SNX14: variants seen among roughly 807,000 people sequenced by gnomAD.
SNX14 encodes sorting nexin 14.
In SNX14, 93 loss-of-function variants were observed where a neutral mutation model predicts 133.8. That is an observed-to-expected ratio of 0.70 (90% CI 0.59 to 0.83). The LOEUF is 0.83. Ranked by LOEUF, SNX14 falls within the 40% of genes least tolerant of loss-of-function variation. The pLI, the probability that SNX14 is intolerant of heterozygous loss-of-function variation, is 0.00. For synonymous variants in SNX14, 368 were observed against 365.6 expected (o/e 1.01, Z -0.07); for missense variants, 945 against 1,094.9 (o/e 0.86, Z 1.93).
chr6:85,506,070 A>T lies in SNX14; in HGVS notation c.2803-65T>A, dbSNP rs969987039. ...CAGGTTCATTTGTAAATTGCCTAAC[A>T]GCTCTAGTGTATTAAAATTCTAACC... On this transcript the variant is annotated intron_variant, in intron 28 of 28. Transcript: ENST00000314673. The T allele has an allele frequency of 2.9e-6, 3 of 1,029,194 alleles. No individual in the cohort carries two copies. The Admixed American group carries it at 5.4e-5, about 19-fold the overall frequency. 63.8% of individuals were successfully genotyped at this position (1,029,194 alleles called of 1,614,324 possible). A position where few individuals can be genotyped will look rare whatever the true frequency, so the allele number is the denominator to read the frequency against.
intron 2 of SNX14, among the ~76,000 whole-genome samples, chr6:85,573,206 G>GC (rs1289929166): frequency 1.3e-5 from 2 of 152,028 alleles, no homozygotes; most frequent in African/African-American, 4.8e-5. Flanking sequence ...TAGGCCAGGC[G>GC]CAGTGGCTCA....
intron 27 of SNX14, among the ~76,000 whole-genome samples, chr6:85,507,709 T>C (rs553856689): frequency 1.1e-4 from 17 of 152,328 alleles, no homozygotes; most frequent in African/African-American, 3.8e-4. Flanking sequence ...AATTTTTTAC[T>C]GTATTTCATG....
In SNX14 at chr6:85,543,648, GTC is replaced by G. The variant is rs1367851695; in HGVS notation, c.1219_1220del (p.Asp407GlnfsTer3). On this transcript the variant is annotated frameshift_variant, in exon 13 of 29. Transcript: ENST00000314673. LOFTEE classifies it high-confidence loss of function. ...YKTYCLDESI[D>X]KIRFDPFIVE... ...CAATGAAGGGATCAAATCTAATTTT[GTC>G]AATACTTTCATCCAAACAGTATGTT... 1 of 1,586,396 alleles carries G rather than the reference GTC, an allele frequency of 6.3e-7. No homozygotes were observed. The highest frequency in any genetic ancestry group is 8.6e-7 in the Non-Finnish European group (1 of 1,164,602).
intron 1 of SNX14, among the ~76,000 whole-genome samples, chr6:85,590,813 T>G (rs1350354387): frequency 6.6e-6 from 1 of 152,170 alleles, no homozygotes; most frequent in Non-Finnish European, 1.5e-5. Context: ...AAGTACGAAG[T>G]TTTCACACCT....
chr6:85,531,233 A>G (rs7452605), intron 18 of SNX14, among the ~76,000 whole-genome samples: 112,465 of 152,160 alleles, frequency 0.74, 42,892 homozygotes, highest in African/African-American at 0.92. Context: ...AGTTAACCCC[A>G]CCCCCATTTA....
chr6:85,570,553 A>C (rs1411717854), intron 4 of SNX14, among the ~76,000 whole-genome samples: 2 of 152,158 alleles, frequency 1.3e-5, no homozygotes, highest in Admixed American at 6.5e-5. Context: ...CATGTAATCA[A>C]TATAAAAAAT....
intron 16 of SNX14, 197 bp from the exon 17 acceptor site, chr6:85,537,121 G>C (rs1196070827): frequency 7.0e-6 from 3 of 427,410 alleles, no homozygotes; most frequent in Admixed American, 8.1e-5. Context: ...AGTATTTAAA[G>C]TTTAAATTTG....
Position 85,517,765 on chromosome 6 carries a change from G to A in SNX14, c.2259C>T (p.Asn753=). ...ELTILSPTSE[N]NKKLFNDLFK... ...ATGCAATGTGCAGTACCTTCTTGTT[G>A]TTTTCTGAAGTAGGGCTGAGAATGG... is the stretch of plus-strand genomic sequence containing the variant. The change falls in exon 23 of 29, where the codon AAC becomes AAT. Residue 753 remains asparagine (N), a synonymous_variant. Coordinates refer to ENST00000314673, the MANE Select transcript of SNX14 (RefSeq NM_153816.6). 6.3e-7 allele frequency: 1 copy of A among 1,597,450 alleles called. No individual in the cohort carries two copies. The highest frequency in any genetic ancestry group is 8.5e-7 in the Non-Finnish European group (1 of 1,175,880).
intron 1 of SNX14, among the ~76,000 whole-genome samples, chr6:85,579,240 G>C (rs1178326322): frequency 6.6e-6 from 1 of 152,096 alleles, no homozygotes; most frequent in African/African-American, 2.4e-5. Context: ...ACAAGAGCCA[G>C]GTGCCGGGCA....
intron 1 of SNX14, among the ~76,000 whole-genome samples, chr6:85,591,834 ACCC>A (rs1802834163): frequency 6.6e-6 from 1 of 151,892 alleles, no homozygotes; most frequent in African/African-American, 2.4e-5. Context: ...ACATGGTGAA[ACCC>A]CCGTCTCTAT....
intron 4 of SNX14, among the ~76,000 whole-genome samples, chr6:85,569,776 A>T (rs1261531734): frequency 6.6e-6 from 1 of 152,222 alleles, no homozygotes; most frequent in African/African-American, 2.4e-5. Flanking sequence ...CCCACTTCAT[A>T]GGTTATACAT....
chr6:85,507,220 G>T lies in SNX14; in HGVS notation c.2802+13C>A. 1 of 1,604,160 alleles carries T rather than the reference G, an allele frequency of 6.2e-7. No individual in the cohort carries two copies. The highest frequency in any genetic ancestry group is 8.5e-7 in the Non-Finnish European group (1 of 1,174,248). On this transcript the variant is annotated intron_variant, in intron 28 of 28. Coordinates refer to ENST00000314673, the MANE Select transcript of SNX14 (RefSeq NM_153816.6). Reference sequence around the variant, plus strand: ...TAAGAAAATCATGAATAAAATTACTGCTTTTCAGTTACCTTATTGAGCTCT... The same window carrying T: ...TAAGAAAATCATGAATAAAATTACTTCTTTTCAGTTACCTTATTGAGCTCT...
At chr6:85,530,124 T>G (rs1779759137) in intron 19 of SNX14, 68 bp downstream of exon 19, 1 of 889,634 alleles carries the variant, frequency 1.1e-6, no homozygotes, top group Non-Finnish European at 1.7e-6. Context: ...AAAAAATTAA[T>G]CTGGTGTCAT....
chr6:85,541,912 A>G, intron 15 of SNX14, 73 bp downstream of exon 15: 1 of 1,115,244 alleles, frequency 9.0e-7, no homozygotes, highest in Non-Finnish European at 1.3e-6. Flanking sequence ...TCAGAAAAAT[A>G]GCTAATAAAG....
chr6:85,543,613 A>G lies in SNX14; in HGVS notation c.1256T>C (p.Ile419Thr). ...TATCGTCTTTGACTTACTTCTTTGA[A>G]TCTCTTCTACAATGAAGGGATCAAA... ...IRFDPFIVEE[I>T]QRIAEGPYID... Residue 419 changes from isoleucine to threonine, a missense_variant, in exon 13 of 29, where the codon ATT becomes ACT. By Grantham distance (89) the Ile-to-Thr change is moderately conservative (BLOSUM62 -1). This residue lies in a region of SNX14 where 514 missense variants were observed against 538.8 expected (regional missense o/e 0.95). Transcript: ENST00000314673. 6.4e-7 allele frequency: 1 copy of G among 1,574,536 alleles called. No individual in the cohort carries two copies. Among genetic ancestry groups the G allele is most frequent in the South Asian group, 1.2e-5 (1 of 84,794 alleles).
intron 23 of SNX14, among the ~76,000 whole-genome samples, chr6:85,516,094 AT>A (rs1169445797): frequency 6.6e-6 from 1 of 152,206 alleles, no homozygotes; most frequent in Non-Finnish European, 1.5e-5. Flanking sequence ...GGTTCAAAAA[AT>A]ATCACATCCT....
At chr6:85,588,481 G>A (rs1801720758) in intron 1 of SNX14, among the ~76,000 whole-genome samples, 1 of 152,176 alleles carries the variant, frequency 6.6e-6, no homozygotes, top group African/African-American at 2.4e-5. Context: ...GGAGGCTGAG[G>A]CAGGAGAATG....
intron 1 of SNX14, among the ~76,000 whole-genome samples, chr6:85,578,183 A>C (rs1797901491): frequency 6.6e-6 from 1 of 152,258 alleles, no homozygotes; most frequent in East Asian, 1.9e-4. Flanking sequence ...AGGAGTTGTT[A>C]GGATTCAGAA....
At chr6:85,520,014 ACAGTAGTAGTAGTAGTAGTAGTAGTAG>A (rs910877631) in intron 21 of SNX14, among the ~76,000 whole-genome samples, 3 of 151,154 alleles carry the variant, frequency 2.0e-5, no homozygotes, top group African/African-American at 4.9e-5. Context: ...TTGCTTTTAT[ACAGTAGTAGTAGTAGTAGTAGTAGTAG>A]CAGTAGTAGT....
Sources: gnomAD v4.1 joint callset for allele counts (sites outside exome capture counted in the v4.1 genomes callset) on GRCh38, gnomAD v4.1.1 for gene constraint, gnomAD v4.1.1 regional missense constraint, MANE v1.5 for transcripts, NCBI Gene and HGNC (gene_info 2026-07-23, HGNC 2026-07-21) for gene names.